The following LIMA1 variants were observed in gnomAD, a reference collection of about 807,000 sequenced individuals.
LIMA1 encodes LIM domain and actin binding 1.
In LIMA1, 52 loss-of-function variants were observed where a neutral mutation model predicts 62.6. The ratio of observed to expected loss-of-function variants is 0.83; its 90% CI spans 0.67 to 1.05. The LOEUF is 1.05. Ranked by LOEUF, LIMA1 falls within the 50% of genes least tolerant of loss-of-function variation. The pLI is 0.00. For synonymous variants in LIMA1, 302 were observed against 317.8 expected (o/e 0.95, Z 0.53); for missense variants, 780 against 902.2 (o/e 0.86, Z 1.74).
At chr12:50,252,927 G>C (rs572029797) in intron 1 of LIMA1, among the ~76,000 whole-genome samples, 1 of 152,250 alleles carries the variant, frequency 6.6e-6, no homozygotes, top group South Asian at 2.1e-4. Flanking sequence ...AAAAAGACTG[G>C]AGTCTAAATT....
rs932235903 is a variant in LIMA1 at position 50,272,910 on chromosome 12, C to T, written c.-24+10510G>A. 4.0e-5 allele frequency among the ~76,000 whole-genome samples: 6 copies of T among 151,450 alleles called. No individual in the cohort carries two copies. In the East Asian group the frequency reaches 7.9e-4, roughly 20 times the overall value. On this transcript the variant is annotated intron_variant, in intron 1 of 10. Coordinates refer to ENST00000341247, the MANE Select transcript of LIMA1 (RefSeq NM_016357.5). ...AAAAAAATACAAAAAATTAGCCGGG[C>T]GTTGTGGCGGGCGCCTGTAGTCCCA...
chr12:50,221,510 G>A (rs1024170994), intron 4 of LIMA1, among the ~76,000 whole-genome samples: 5 of 152,184 alleles, frequency 3.3e-5, no homozygotes, highest in African/African-American at 1.2e-4. Context: ...GATTTTGCCT[G>A]AGAGAGGATT....
At chr12:50,224,620 ACT>A (rs994339043) in intron 3 of LIMA1, 2 of 152,224 alleles carry the variant, frequency 1.3e-5, no homozygotes, top group East Asian at 1.9e-4. Flanking sequence ...GTAACTGGAC[ACT>A]GTTTTTCTCA....
intron 4 of LIMA1, among the ~76,000 whole-genome samples, chr12:50,207,742 T>C (rs1440019878): frequency 6.6e-6 from 1 of 151,612 alleles, no homozygotes; most frequent in Non-Finnish European, 1.5e-5. Flanking sequence ...TACAAAAAAT[T>C]AGCCAGGTGT....
At chr12:50,240,982 A>G (rs940309601) in intron 2 of LIMA1, among the ~76,000 whole-genome samples, 4 of 152,192 alleles carry the variant, frequency 2.6e-5, no homozygotes, top group African/African-American at 9.7e-5. Context: ...TGTGGGAGGG[A>G]AAAAGTGGTG....
At chr12:50,251,714 A>G (rs2138647712) in intron 1 of LIMA1, among the ~76,000 whole-genome samples, 1 of 152,060 alleles carries the variant, frequency 6.6e-6, no homozygotes, top group East Asian at 1.9e-4. Context: ...AAAAAGGTTA[A>G]CTCCCAAGTC....
intron 8 of LIMA1, among the ~76,000 whole-genome samples, chr12:50,193,546 CATATAT>C (rs1368047337): frequency 9.0e-6 from 1 of 111,282 alleles, no homozygotes; most frequent in East Asian, 2.6e-4. Flanking sequence ...TATATATATA[CATATAT>C]ATCATATATG....
chr12:50,226,364 G>A (rs771046582), intron 3 of LIMA1, among the ~76,000 whole-genome samples: 5 of 151,928 alleles, frequency 3.3e-5, no homozygotes, highest in Non-Finnish European at 5.9e-5. Context: ...ACCTATTCAC[G>A]TCCACTTACC....
chr12:50,283,000 G>C (rs1227357765), intron 1 of LIMA1, among the ~76,000 whole-genome samples: 1 of 152,208 alleles, frequency 6.6e-6, no homozygotes, highest in African/African-American at 2.4e-5. Flanking sequence ...TGGCGTAATG[G>C]AAGGGAGAAA....
At chr12:50,214,599 G>C (rs1336465202) in intron 4 of LIMA1, among the ~76,000 whole-genome samples, 4 of 152,224 alleles carry the variant, frequency 2.6e-5, no homozygotes, top group African/African-American at 9.7e-5. Flanking sequence ...ACAAGGTCAG[G>C]AGTTCAAGAC....
chr12:50,243,534 C>T (rs1317659805), intron 2 of LIMA1, among the ~76,000 whole-genome samples: 1 of 152,172 alleles, frequency 6.6e-6, no homozygotes, highest in Non-Finnish European at 1.5e-5. Flanking sequence ...AGTGAGTGAA[C>T]CTTACAAACC....
intron 2 of LIMA1, among the ~76,000 whole-genome samples, chr12:50,237,889 T>A (rs191762490): frequency 1.0e-3 from 153 of 152,220 alleles, no homozygotes; most frequent in African/African-American, 2.8e-3. Flanking sequence ...GATAGCCACA[T>A]GCAAAAAAAT....
chr12:50,224,264 A>T (rs1328233931), intron 3 of LIMA1: 2 of 152,064 alleles, frequency 1.3e-5, no homozygotes, highest in African/African-American at 4.8e-5. Context: ...TCACCCTATT[A>T]CTCTTCTGAA....
At chr12:50,220,089 C>G (rs1592530816) in intron 4 of LIMA1, among the ~76,000 whole-genome samples, 1 of 152,018 alleles carries the variant, frequency 6.6e-6, no homozygotes, top group South Asian at 2.1e-4. Context: ...GAGACAGAGT[C>G]TCACTCTGTT....
intron 1 of LIMA1, among the ~76,000 whole-genome samples, chr12:50,274,837 G>A (rs1942257204): frequency 6.6e-6 from 1 of 152,078 alleles, no homozygotes; most frequent in South Asian, 2.1e-4. Flanking sequence ...CAATAGATGG[G>A]GGAGTTTTCC....
chr12:50,225,836 G>C (rs971637743), intron 3 of LIMA1, among the ~76,000 whole-genome samples: 2 of 152,156 alleles, frequency 1.3e-5, no homozygotes, highest in Admixed American at 1.3e-4. Flanking sequence ...AAGCCACCAT[G>C]CCTGGCCAAA....
intron 10 of LIMA1, among the ~76,000 whole-genome samples, chr12:50,178,398 T>G (rs987074244): frequency 4.0e-5 from 6 of 151,628 alleles, no homozygotes; most frequent in Non-Finnish European, 7.4e-5. Flanking sequence ...AATTTAAAAA[T>G]TAGCTGGGTG....
chr12:50,182,905 TAAG>T (rs1245319423), intron 9 of LIMA1, among the ~76,000 whole-genome samples: 3 of 152,136 alleles, frequency 2.0e-5, no homozygotes, highest in African/African-American at 4.8e-5. Flanking sequence ...TTTCACATGA[TAAG>T]AAATAGTTAC....
chr12:50,222,576 A>G, intron 3 of LIMA1, 91 bp from the exon 4 acceptor site: 1 of 1,576,144 alleles, frequency 6.3e-7, no homozygotes. Context: ...TAAAACTCCA[A>G]GCTGCTCCTG....
Sources: allele counts gnomAD v4.1 joint callset (sites outside exome capture counted in the v4.1 genomes callset), GRCh38; gene constraint gnomAD v4.1.1; transcripts MANE v1.5; gene names NCBI Gene and HGNC (gene_info 2026-07-23, HGNC 2026-07-21).